Variants in GPC6 observed in about 807,000 individuals in gnomAD.
GPC6 encodes the protein glypican-6.
GPC6 carries 14 observed loss-of-function variants against 55.2 expected under a neutral mutation model. The observed-to-expected ratio is 0.25, with a 90% CI of 0.17 to 0.40. GPC6 has a LOEUF of 0.40. Ranked by LOEUF, GPC6 falls within the 10% of genes least tolerant of loss-of-function variation. The pLI, the probability that GPC6 is intolerant of heterozygous loss-of-function variation, is 1.00. For missense variants in GPC6, 641 were observed against 708.5 expected (o/e 0.90, Z 1.08); for synonymous variants, 278 against 259.6 (o/e 1.07, Z -0.68).
intron 4 of GPC6, among the ~76,000 whole-genome samples, chr13:94,062,275 G>A (rs995529038): frequency 2.7e-5 from 4 of 150,600 alleles, no homozygotes; most frequent in Middle Eastern, 3.6e-3. Context: ...TTTTTGAGAC[G>A]GAGTCTTACT....
chr13:93,515,911 C>G (rs929319702), intron 1 of GPC6, among the ~76,000 whole-genome samples: 1 of 152,070 alleles, frequency 6.6e-6, no homozygotes, highest in African/African-American at 2.4e-5. Flanking sequence ...GGCACACACG[C>G]AGAAAGCCAA....
intron 4 of GPC6, among the ~76,000 whole-genome samples, chr13:94,068,013 A>G (rs1884593375): frequency 6.6e-6 from 1 of 152,348 alleles, no homozygotes; most frequent in South Asian, 2.1e-4. Flanking sequence ...GTACATTGAT[A>G]AACAAAATTA....
chr13:94,210,401 C>T lies in GPC6; in HGVS notation c.878-75948C>T, dbSNP rs188148057. 2.5e-4 allele frequency among the ~76,000 whole-genome samples: 38 copies of T among 152,194 alleles called. 1 individual carries two copies. In the East Asian group the frequency reaches 7.0e-3, roughly 28 times the overall value. On this transcript the variant is annotated intron_variant, in intron 4 of 8. Coordinates refer to ENST00000377047, the MANE Select transcript of GPC6 (RefSeq NM_005708.5). Reference sequence around the variant, plus strand: ...CAAACTCCTAACCTCAGGTGATCCACCCGCCTCAGCCTCCGAAAGTGCTGG... The same window carrying T: ...CAAACTCCTAACCTCAGGTGATCCATCCGCCTCAGCCTCCGAAAGTGCTGG...
At chr13:94,270,964 ATTTTTTTTTTTTTTTTT>A (rs764819082) in intron 4 of GPC6, among the ~76,000 whole-genome samples, 17 of 49,670 alleles carry the variant, frequency 3.4e-4, no homozygotes, top group African/African-American at 5.6e-4. Context: ...GAGAAGTATA[ATTTTTTTTTTTTTTTTT>A]TTTTTTTTTT....
intron 1 of GPC6, among the ~76,000 whole-genome samples, chr13:93,349,611 A>G (rs1294396479): frequency 6.6e-6 from 1 of 152,238 alleles, no homozygotes; most frequent in Non-Finnish European, 1.5e-5. Context: ...AGTTTCAGTT[A>G]AATCTTTTAA....
At chr13:93,895,234 G>GTGTGTGTATATA (rs1196315147) in intron 3 of GPC6, among the ~76,000 whole-genome samples, 2 of 108,206 alleles carry the variant, frequency 1.8e-5, no homozygotes, top group African/African-American at 3.7e-5. Flanking sequence ...GTGTGTGTGT[G>GTGTGTGTATATA]TATATATATA....
At chr13:93,962,751 G>T (rs1376760190) in intron 3 of GPC6, among the ~76,000 whole-genome samples, 2 of 152,108 alleles carry the variant, frequency 1.3e-5, no homozygotes, top group African/African-American at 4.8e-5. Context: ...TGGCTTCAAT[G>T]TATTATTATA....
intron 4 of GPC6, among the ~76,000 whole-genome samples, chr13:94,158,385 A>G (rs1270102858): frequency 1.3e-5 from 2 of 151,920 alleles, no homozygotes; most frequent in Non-Finnish European, 2.9e-5. Context: ...TGCTTTAAAA[A>G]AAAAAAAAGA....
At chr13:94,078,803 T>C (rs1412766798) in intron 4 of GPC6, among the ~76,000 whole-genome samples, 1 of 151,970 alleles carries the variant, frequency 6.6e-6, no homozygotes, top group Non-Finnish European at 1.5e-5. Flanking sequence ...CATTGGTGAA[T>C]TCTACTAAAC....
intron 3 of GPC6, among the ~76,000 whole-genome samples, chr13:94,013,349 G>C (rs1168303096): frequency 6.6e-6 from 1 of 151,250 alleles, no homozygotes; most frequent in Non-Finnish European, 1.5e-5. Context: ...TTTGTTTTTT[G>C]CTTTTTGTTT....
intron 1 of GPC6, among the ~76,000 whole-genome samples, chr13:93,437,391 CCAAA>C (rs1877611711): frequency 2.6e-5 from 4 of 152,098 alleles, no homozygotes; most frequent in Non-Finnish European, 4.4e-5. Context: ...ACCTCTTGCG[CCAAA>C]CAGTTAGCTA....
chr13:93,985,190 T>G (rs1199350570), intron 3 of GPC6, among the ~76,000 whole-genome samples: 1 of 152,148 alleles, frequency 6.6e-6, no homozygotes, highest in African/African-American at 2.4e-5. Flanking sequence ...ATCCCAGCAC[T>G]TTGGGAGGCC....
intron 2 of GPC6, among the ~76,000 whole-genome samples, chr13:93,564,241 T>C (rs892726977): frequency 6.6e-6 from 1 of 152,106 alleles, no homozygotes; most frequent in Non-Finnish European, 1.5e-5. Context: ...TAACTTTTTT[T>C]CCTAATCCTA....
intron 5 of GPC6, among the ~76,000 whole-genome samples, chr13:94,303,618 A>G (rs1463933168): frequency 6.6e-6 from 1 of 152,192 alleles, no homozygotes; most frequent in Admixed American, 6.5e-5. Context: ...TTCCAAAGTA[A>G]TTAGAAGTCA....
chr13:93,658,528 ATGTCAC>A (rs970459031), intron 2 of GPC6, among the ~76,000 whole-genome samples: 8 of 151,924 alleles, frequency 5.3e-5, no homozygotes, highest in African/African-American at 1.9e-4. Flanking sequence ...GTGTTTGGTC[ATGTCAC>A]TCTTTTGTCA....
chr13:94,239,495 T>C (rs1191630022), intron 4 of GPC6, among the ~76,000 whole-genome samples: 4 of 152,190 alleles, frequency 2.6e-5, no homozygotes, highest in African/African-American at 9.6e-5. Flanking sequence ...TGTAGATGAT[T>C]CTTGGAATGA....
At position 94,286,373 on chromosome 13, in the gene GPC6, G is replaced by C; in HGVS notation, c.902G>C (p.Arg301Pro). The change falls in exon 5 of 9, where the codon CGA becomes CCA. Residue 301 changes from arginine (R) to proline (P), a missense_variant. Physicochemically the swap from Arg to Pro is moderately radical, Grantham distance 103. Coordinates refer to ENST00000377047, the MANE Select transcript of GPC6 (RefSeq NM_005708.5). ...GATGCAATGCTCTTGGTGGCAGAGCGACTGGAGGGGCCATTCAACATTGAG... is the reference window on the plus strand; with the variant it reads ...GATGCAATGCTCTTGGTGGCAGAGCCACTGGAGGGGCCATTCAACATTGAG... ...FIDAMLLVAE[R>P]LEGPFNIESV... 6.2e-7 allele frequency: 1 copy of C among 1,613,718 alleles called. No homozygotes were observed. The highest frequency in any genetic ancestry group is 8.5e-7 in the Non-Finnish European group (1 of 1,179,786).
chr13:93,996,750 A>G (rs1242325600), intron 3 of GPC6, among the ~76,000 whole-genome samples: 1 of 152,188 alleles, frequency 6.6e-6, no homozygotes, highest in African/African-American at 2.4e-5. Context: ...CTATGAGCTC[A>G]TTTGGAAGTA....
chr13:93,450,785 G>T, intron 1 of GPC6: 2 of 732,334 alleles, frequency 2.7e-6, no homozygotes, highest in Non-Finnish European at 3.3e-6. Context: ...ATTTATGAAA[G>T]ATCTTGTAAG....
Sources: allele counts gnomAD v4.1 joint callset (sites outside exome capture counted in the v4.1 genomes callset), GRCh38; gene constraint gnomAD v4.1.1; transcripts MANE v1.5; gene names NCBI Gene and HGNC (gene_info 2026-07-23, HGNC 2026-07-21).